Variants in KCNH1 observed in about 807,000 individuals in gnomAD.
The protein encoded by KCNH1 is voltage-gated delayed rectifier potassium channel KCNH1.
Under a neutral mutation model 69.2 loss-of-function variants are expected in KCNH1, and 27 were observed. The ratio of observed to expected loss-of-function variants is 0.39; its 90% CI spans 0.29 to 0.54. The LOEUF is 0.54. Ranked by LOEUF, KCNH1 falls within the 20% of genes least tolerant of loss-of-function variation. The pLI, the probability that KCNH1 is intolerant of heterozygous loss-of-function variation, is 0.68. For missense variants in KCNH1, 798 were observed against 1,261.6 expected (o/e 0.63, Z 5.57); for synonymous variants, 456 against 487.7 (o/e 0.93, Z 0.86).
chr1:210,893,542 T>A (rs1686794888), intron 7 of KCNH1, among the ~76,000 whole-genome samples: 1 of 152,018 alleles, frequency 6.6e-6, no homozygotes, highest in Non-Finnish European at 1.5e-5. Context: ...CTTGGATTTG[T>A]GAATTCATGT....
chr1:211,100,245 T>C (rs936501497), intron 3 of KCNH1, among the ~76,000 whole-genome samples: 2 of 152,122 alleles, frequency 1.3e-5, no homozygotes, highest in Non-Finnish European at 2.9e-5. Context: ...CACCGCCTTC[T>C]CCACCACTAC....
chr1:210,816,496 A>G (rs924231703), intron 7 of KCNH1, among the ~76,000 whole-genome samples: 2 of 152,238 alleles, frequency 1.3e-5, no homozygotes, highest in Admixed American at 6.5e-5. Context: ...CAAGAAGGTC[A>G]GAAACAGGTT....
At chr1:211,024,984 A>T (rs578215755) in intron 5 of KCNH1, among the ~76,000 whole-genome samples, 39 of 152,288 alleles carry the variant, frequency 2.6e-4, no homozygotes, top group African/African-American at 8.7e-4. Flanking sequence ...TTCAAAACGC[A>T]TGCTGTTCCA....
chr1:210,855,726 C>T (rs927360570), intron 7 of KCNH1, among the ~76,000 whole-genome samples: 2 of 152,136 alleles, frequency 1.3e-5, no homozygotes, highest in Non-Finnish European at 2.9e-5. Context: ...CAGAGTGTCA[C>T]GACTCAGCTG....
chr1:210,954,824 G>A (rs1368545637), intron 6 of KCNH1, among the ~76,000 whole-genome samples: 1 of 152,064 alleles, frequency 6.6e-6, no homozygotes, highest in Non-Finnish European at 1.5e-5. Flanking sequence ...TGAGTAGATT[G>A]CAAAAATTTT....
At chr1:210,746,252 G>T (rs1558452085) in intron 10 of KCNH1, among the ~76,000 whole-genome samples, 1 of 152,126 alleles carries the variant, frequency 6.6e-6, no homozygotes, top group African/African-American at 2.4e-5. Flanking sequence ...TTATACTTGT[G>T]CAGAGTTTTA....
chr1:211,035,912 A>C (rs1689888463), intron 5 of KCNH1, among the ~76,000 whole-genome samples: 1 of 152,202 alleles, frequency 6.6e-6, no homozygotes, highest in Admixed American at 6.5e-5. Context: ...TCCTCCTCAG[A>C]AGTGTGTGTA....
chr1:210,794,498 A>G (rs1684268524), intron 9 of KCNH1, among the ~76,000 whole-genome samples: 1 of 152,242 alleles, frequency 6.6e-6, no homozygotes, highest in African/African-American at 2.4e-5. Context: ...TTAGAGACGC[A>G]GTCAACAAGG....
intron 5 of KCNH1, among the ~76,000 whole-genome samples, chr1:211,077,726 T>C (rs551564746): frequency 6.6e-6 from 1 of 152,220 alleles, no homozygotes; most frequent in Admixed American, 6.5e-5. Flanking sequence ...CCAGCTAACA[T>C]CATAATGACA....
chr1:211,007,379 A>T (rs1689304912), intron 6 of KCNH1, among the ~76,000 whole-genome samples: 1 of 152,212 alleles, frequency 6.6e-6, no homozygotes, highest in Non-Finnish European at 1.5e-5. Flanking sequence ...GAGCTTCACG[A>T]ACAACAAGCA....
rs1255151441 is a variant in KCNH1, at chr1:211,128,689, G to A, written c.79+5178C>T. ...TGTTTTGTGTGCTTTTCTATTTGTCGTACTGAACAATTAAAAAGGTTAAAA... is the reference window on the plus strand; with the variant it reads ...TGTTTTGTGTGCTTTTCTATTTGTCATACTGAACAATTAAAAAGGTTAAAA... On this transcript the variant is annotated intron_variant, in intron 1 of 10. Coordinates refer to ENST00000271751, the MANE Select transcript of KCNH1 (RefSeq NM_172362.3). 5.3e-5 allele frequency among the ~76,000 whole-genome samples: 8 copies of A among 152,174 alleles called. No individual in the cohort carries two copies. The South Asian group carries it at 8.3e-4, about 16-fold the overall frequency.
chr1:211,055,258 G>A (rs972172257), intron 5 of KCNH1, among the ~76,000 whole-genome samples: 8 of 152,190 alleles, frequency 5.3e-5, no homozygotes, highest in African/African-American at 1.9e-4. Flanking sequence ...ACTTAGGGGA[G>A]GAAAAACACA....
At chr1:210,926,428 G>A (rs763339717) in intron 6 of KCNH1, among the ~76,000 whole-genome samples, 6 of 152,204 alleles carry the variant, frequency 3.9e-5, no homozygotes, top group African/African-American at 7.2e-5. Flanking sequence ...CCGGAGCCTC[G>A]TAGCTCCACT....
chr1:211,073,853 T>A lies in KCNH1; in HGVS notation c.558+8927A>T, dbSNP rs557730397. Among the ~76,000 whole-genome samples the A allele has an allele frequency of 3.3e-5, 5 of 151,024 alleles. No individual in the cohort carries two copies. The East Asian group carries it at 9.8e-4, about 29-fold the overall frequency. On this transcript the variant is annotated intron_variant, in intron 5 of 10. Coordinates refer to ENST00000271751, the MANE Select transcript of KCNH1 (RefSeq NM_172362.3). ...GTAAGCAGAAGAAAAGAACAAAAAT[T>A]GGAGCAGAAAGCAATGAAATTGAAA...
At chr1:210,819,734 G>C (rs1400842418) in intron 7 of KCNH1, among the ~76,000 whole-genome samples, 1 of 152,154 alleles carries the variant, frequency 6.6e-6, no homozygotes, top group Non-Finnish European at 1.5e-5. Flanking sequence ...TGTTGTTGTT[G>C]ATGAAATTCT....
Position 210,980,819 on chromosome 1 carries a change from A to ATG in KCNH1, c.1032+37962_1032+37963dup, listed in dbSNP as rs57591026. Among the ~76,000 whole-genome samples the ATG allele has an allele frequency of 2.2e-3, 331 of 149,066 alleles. 2 individuals are homozygous for ATG. The highest frequency in any genetic ancestry group is 3.9e-3 in the South Asian group (18 of 4,644). ...ATGGGACATCACAATGTATTAGACA[A>ATG]TGTGTGTGTGTGTGTGTGTGTGTGT... On this transcript the variant is annotated intron_variant, in intron 6 of 10. Coordinates refer to ENST00000271751, the MANE Select transcript of KCNH1 (RefSeq NM_172362.3).
At chr1:210,944,185 A>G (rs1367194685) in intron 6 of KCNH1, among the ~76,000 whole-genome samples, 1 of 152,238 alleles carries the variant, frequency 6.6e-6, no homozygotes, top group East Asian at 1.9e-4. Flanking sequence ...AGTCTACAGC[A>G]TATCAATTCA....
At chr1:210,716,451 ATGTTACAC>A (rs1558436850) in intron 10 of KCNH1, among the ~76,000 whole-genome samples, 149 of 144,596 alleles carry the variant, frequency 1.0e-3, no homozygotes, top group African/African-American at 3.8e-3. Flanking sequence ...AAAAAAAAGC[ATGTTACAC>A]AACCATCTAG....
At chr1:210,927,906 G>GGCTAT (rs1687605690) in intron 6 of KCNH1, among the ~76,000 whole-genome samples, 1 of 151,856 alleles carries the variant, frequency 6.6e-6, no homozygotes, top group African/African-American at 2.4e-5. Context: ...GAGCAGGAGT[G>GGCTAT]GCTATTCTTA....
Sources: gnomAD v4.1 joint callset for allele counts (sites outside exome capture counted in the v4.1 genomes callset) on GRCh38, gnomAD v4.1.1 for gene constraint, MANE v1.5 for transcripts, NCBI Gene and HGNC (gene_info 2026-07-23, HGNC 2026-07-21) for gene names.